The following SNRNP40 variants were observed in gnomAD, a reference collection of about 807,000 sequenced individuals.
The protein encoded by SNRNP40 is small nuclear ribonucleoprotein U5 subunit 40.
Under a neutral mutation model 45.8 loss-of-function variants are expected in SNRNP40, and 21 were observed. The observed-to-expected ratio is 0.46, with a 90% CI of 0.32 to 0.66. The LOEUF (loss-of-function observed/expected upper bound fraction) is 0.66, where lower values mean the gene tolerates loss of function less well. SNRNP40 is among the 30% of genes least tolerant of loss of function. The pLI is 0.03. For missense variants in SNRNP40, 344 were observed against 439.1 expected, an observed-to-expected ratio of 0.78 and a Z score of 1.94; for synonymous variants, 142 against 163.8, an observed-to-expected ratio of 0.87 and a Z score of 1.01.
At chr1:31,262,883 T>C (rs1290942255) in intron 8 of SNRNP40, among the ~76,000 whole-genome samples, 3 of 151,858 alleles carry the variant, frequency 2.0e-5, no homozygotes, top group Non-Finnish European at 4.4e-5. Flanking sequence ...ATGCCTGTGG[T>C]CCCAGCTACT....
intron 8 of SNRNP40, among the ~76,000 whole-genome samples, chr1:31,263,913 TAAAAAA>T (rs11419603): frequency 1.9e-5 from 2 of 107,008 alleles, no homozygotes; most frequent in Non-Finnish European, 3.6e-5. Context: ...ATGTACTGGC[TAAAAAA>T]AAAAAAAAAA....
At chr1:31,282,052 CA>C (rs1459291288) in intron 4 of SNRNP40, 3 of 152,216 alleles carry the variant, frequency 2.0e-5, no homozygotes, top group Non-Finnish European at 1.5e-5. Context: ...AAAAAGGAAA[CA>C]AAAAACTCCC....
chr1:31,286,872 C>T (rs1303843099), intron 4 of SNRNP40, among the ~76,000 whole-genome samples: 2 of 152,172 alleles, frequency 1.3e-5, no homozygotes, highest in Non-Finnish European at 2.9e-5. Context: ...GAGCACCTTC[C>T]CTGCTTTGGC....
At chr1:31,269,039 C>G in intron 7 of SNRNP40, 119 bp downstream of exon 7, 1 of 868,050 alleles carries the variant, frequency 1.2e-6, no homozygotes, top group Non-Finnish European at 1.7e-6. Flanking sequence ...TAATTAAGAG[C>G]AGTGTTATTG....
chr1:31,282,224 T>A (rs1402557324), intron 4 of SNRNP40: 3 of 152,152 alleles, frequency 2.0e-5, no homozygotes, highest in Admixed American at 2.0e-4. Context: ...ACAATAAAAA[T>A]TGTTTATTTT....
At chr1:31,296,508 T>C in intron 1 of SNRNP40, 103 bp downstream of exon 1, 2 of 1,411,802 alleles carry the variant, frequency 1.4e-6, no homozygotes, top group Non-Finnish European at 9.6e-7. Context: ...GAAACTCTCG[T>C]TCTGCCCCCG....
chr1:31,267,102 T>G (rs747447782), intron 8 of SNRNP40, among the ~76,000 whole-genome samples: 1 of 152,018 alleles, frequency 6.6e-6, no homozygotes, highest in Non-Finnish European at 1.5e-5. Flanking sequence ...ACTAGAGAGA[T>G]ATAGGAGTTT....
chr1:31,269,405 T>C, intron 6 of SNRNP40, 165 bp from the exon 7 acceptor site: 3 of 1,376,078 alleles, frequency 2.2e-6, no homozygotes, highest in Non-Finnish European at 1.9e-6. Context: ...CTCTTTTCTT[T>C]TTCAAGCAGG....
intron 5 of SNRNP40, among the ~76,000 whole-genome samples, chr1:31,277,901 G>A (rs1454676525): frequency 2.6e-5 from 4 of 152,174 alleles, no homozygotes; most frequent in Non-Finnish European, 5.9e-5. Context: ...TGCCATGTTG[G>A]CCAGGCTGGT....
chr1:31,282,613 A>ATCTATCTATCTG (rs1553166914), intron 4 of SNRNP40: 1 of 139,124 alleles, frequency 7.2e-6, no homozygotes, highest in Non-Finnish European at 1.6e-5. Flanking sequence ...CTATCTATCT[A>ATCTATCTATCTG]TCTTTCTATC....
At chr1:31,289,795 G>T (rs1234377089) in intron 3 of SNRNP40, among the ~76,000 whole-genome samples, 1 of 152,184 alleles carries the variant, frequency 6.6e-6, no homozygotes, top group East Asian at 1.9e-4. Flanking sequence ...GACAGACTGT[G>T]GTACCGACCT....
In SNRNP40 at chr1:31,296,683, C is replaced by T. The variant is rs557330856; in HGVS notation, c.69G>A (p.Glu23=). The change falls in exon 1 of 10, where the codon GAG becomes GAA. Residue 23 remains glutamate (E), a synonymous_variant. Transcript: ENST00000263694. ...PLVPVKRQRH[E]LLLGAGSGPG... ...GGCCAGACCCCGCTCCCAACAGCAA[C>T]TCATGCCGCTGCCGCTTGACTGGAA... 1.2e-6 allele frequency: 2 copies of T among 1,614,010 alleles called. No homozygotes were observed. The highest frequency in any genetic ancestry group is 1.3e-5 in the African/African-American group (1 of 75,062).
chr1:31,269,036 G>A, intron 7 of SNRNP40, 122 bp downstream of exon 7: 1 of 864,498 alleles, frequency 1.2e-6, no homozygotes, highest in Non-Finnish European at 1.7e-6. Flanking sequence ...TTTTAATTAA[G>A]AGCAGTGTTA....
chr1:31,278,561 G>T (rs966265295), intron 5 of SNRNP40, among the ~76,000 whole-genome samples: 2 of 152,180 alleles, frequency 1.3e-5, no homozygotes, highest in African/African-American at 4.8e-5. Flanking sequence ...ACGCCAGTGA[G>T]CTCCCAACTC....
At chr1:31,267,384 T>C (rs943475636) in intron 8 of SNRNP40, among the ~76,000 whole-genome samples, 2 of 152,176 alleles carry the variant, frequency 1.3e-5, no homozygotes, top group Non-Finnish European at 2.9e-5. Flanking sequence ...CCAAAGTGGG[T>C]AGAAATGATC....
chr1:31,289,446 A>T lies in SNRNP40; in HGVS notation c.366-27T>A, dbSNP rs745570718. On this transcript the variant is annotated intron_variant, in intron 3 of 9. Coordinates refer to ENST00000263694, the MANE Select transcript of SNRNP40 (RefSeq NM_004814.3). ...TAGAAAGTAAGAGAAAGAATAAAAAAGAAATAAGTGAAGATAAACAGTAAC... is the reference window on the plus strand; with the variant it reads ...TAGAAAGTAAGAGAAAGAATAAAAATGAAATAAGTGAAGATAAACAGTAAC... The T allele has an allele frequency of 1.9e-6, 3 of 1,591,098 alleles. No homozygotes were observed. In the African/African-American group the frequency reaches 4.0e-5, roughly 21 times the overall value.
chr1:31,270,387 T>C (rs1023169039), intron 6 of SNRNP40, among the ~76,000 whole-genome samples: 3 of 151,978 alleles, frequency 2.0e-5, no homozygotes, highest in Non-Finnish European at 2.9e-5. Flanking sequence ...GGCCCAGGAG[T>C]TTGAGACCAG....
intron 5 of SNRNP40, among the ~76,000 whole-genome samples, chr1:31,272,050 A>C (rs1036112009): frequency 1.3e-5 from 2 of 152,230 alleles, no homozygotes; most frequent in African/African-American, 4.8e-5. Context: ...AGAATTCAGA[A>C]AGGTTATTTT....
At chr1:31,284,820 C>T (rs1010792673) in intron 4 of SNRNP40, among the ~76,000 whole-genome samples, 14 of 152,106 alleles carry the variant, frequency 9.2e-5, no homozygotes, top group African/African-American at 2.9e-4. Flanking sequence ...CATGTAAATA[C>T]GAACTAAAAA....
Sources: allele counts gnomAD v4.1 joint callset (sites outside exome capture counted in the v4.1 genomes callset), GRCh38; gene constraint gnomAD v4.1.1; transcripts MANE v1.5; gene names NCBI Gene and HGNC (gene_info 2026-07-23, HGNC 2026-07-21).